The following RFX3 variants were observed in gnomAD, a reference collection of about 807,000 sequenced individuals.
RFX3 encodes the protein regulatory factor X3.
RFX3 carries 14 observed loss-of-function variants against 98.6 expected under a neutral mutation model. The observed-to-expected ratio is 0.14, with a 90% CI of 0.09 to 0.22. RFX3 has a LOEUF of 0.22. Ranked by LOEUF, RFX3 falls within the 10% of genes least tolerant of loss-of-function variation. The pLI is 1.00. For synonymous variants in RFX3, 383 were observed against 328.4 expected (o/e 1.17, Z -1.80); for missense variants, 639 against 926.9 (o/e 0.69, Z 4.03).
chr9:3,388,930 GA>G (rs1839998979), intron 2 of RFX3, among the ~76,000 whole-genome samples: 1 of 152,050 alleles, frequency 6.6e-6, no homozygotes, highest in African/African-American at 2.4e-5. Context: ...TCTTCTCCAA[GA>G]AAGAGGTAAG....
chr9:3,294,365 C>A (rs1353035935), intron 5 of RFX3, among the ~76,000 whole-genome samples: 1 of 151,982 alleles, frequency 6.6e-6, no homozygotes, highest in Admixed American at 6.6e-5. Context: ...ATTTAACTTG[C>A]AATTCAAGTT....
chr9:3,275,966 T>C (rs1455892996), intron 8 of RFX3, among the ~76,000 whole-genome samples: 1 of 152,166 alleles, frequency 6.6e-6, no homozygotes, highest in African/African-American at 2.4e-5. Flanking sequence ...TTATGTTGTT[T>C]AATTACATAA....
intron 13 of RFX3, among the ~76,000 whole-genome samples, chr9:3,259,673 T>TA (rs1171261248): frequency 6.6e-6 from 1 of 151,526 alleles, no homozygotes; most frequent in Non-Finnish European, 1.5e-5. Context: ...CACAAAAAAT[T>TA]AGAGAATTAT....
chr9:3,409,308 G>C (rs1218331182), intron 1 of RFX3, among the ~76,000 whole-genome samples: 1 of 152,124 alleles, frequency 6.6e-6, no homozygotes, highest in Non-Finnish European at 1.5e-5. Flanking sequence ...TCACACACTT[G>C]TTAACCAATT....
At chr9:3,236,368 T>C (rs1410114574) in intron 15 of RFX3, among the ~76,000 whole-genome samples, 3 of 152,206 alleles carry the variant, frequency 2.0e-5, no homozygotes, top group East Asian at 1.9e-4. Flanking sequence ...GAAACCAAAA[T>C]TGAGGAAACC....
At chr9:3,494,719 A>G (rs1007330965) in intron 1 of RFX3, among the ~76,000 whole-genome samples, 8 of 152,178 alleles carry the variant, frequency 5.3e-5, no homozygotes, top group South Asian at 2.1e-4. Context: ...ATAAAATTTG[A>G]TAACTATGGA....
chr9:3,517,812 A>G (rs911509343), intron 1 of RFX3, among the ~76,000 whole-genome samples: 5 of 152,210 alleles, frequency 3.3e-5, no homozygotes, highest in Admixed American at 6.5e-5. Context: ...GTCCAAGAGG[A>G]CAGTCAGATG....
intron 1 of RFX3, among the ~76,000 whole-genome samples, chr9:3,426,002 T>A (rs1197255617): frequency 6.6e-6 from 1 of 152,154 alleles, no homozygotes; most frequent in Admixed American, 6.5e-5. Context: ...TAGAATTTAT[T>A]AAAACAAACC....
At chr9:3,374,092 GCACACACA>G (rs35924655) in intron 2 of RFX3, among the ~76,000 whole-genome samples, 1 of 147,866 alleles carries the variant, frequency 6.8e-6, no homozygotes, top group Non-Finnish European at 1.5e-5. Flanking sequence ...ACACACGCGC[GCACACACA>G]CACACACACA....
chr9:3,248,014 T>G lies in RFX3; in HGVS notation c.1968+18A>C. 6.2e-7 allele frequency: 1 copy of G among 1,614,072 alleles called. No individual in the cohort carries two copies. Among genetic ancestry groups the G allele is most frequent in the East Asian group, 2.2e-5 (1 of 44,874 alleles). Reference sequence around the variant, plus strand: ...TTTTAATAACCCAGTGGGTCACAGCTCTTTCAGCCTCTCTTACCTCGCCCA... The same window carrying G: ...TTTTAATAACCCAGTGGGTCACAGCGCTTTCAGCCTCTCTTACCTCGCCCA... On this transcript the variant is annotated intron_variant, in intron 15 of 16. Transcript: ENST00000617270.
intron 2 of RFX3, among the ~76,000 whole-genome samples, chr9:3,390,423 C>CT (rs1471806770): frequency 1.1e-4 from 16 of 152,152 alleles, no homozygotes; most frequent in Admixed American, 1.0e-3. Context: ...TGTTGAATGG[C>CT]TTTGACCAAA....
chr9:3,340,033 T>C (rs988369871), intron 3 of RFX3, among the ~76,000 whole-genome samples: 1 of 152,132 alleles, frequency 6.6e-6, no homozygotes, highest in Non-Finnish European at 1.5e-5. Context: ...CAAAACAGCA[T>C]GGTACTGGCA....
chr9:3,473,320 A>G lies in RFX3; in HGVS notation c.-9+52427T>C, dbSNP rs1159736925. On this transcript the variant is annotated intron_variant, in intron 1 of 16. Transcript: ENST00000617270. Reference sequence around the variant, plus strand: ...TCATAATAACAGGCACATATTTTTCATATGAACTACTGGGTTCTCTTATTT... The same window carrying G: ...TCATAATAACAGGCACATATTTTTCGTATGAACTACTGGGTTCTCTTATTT... Among the ~76,000 whole-genome samples the G allele has an allele frequency of 1.3e-5, 2 of 152,300 alleles. 1 individual carries two copies. The highest frequency in any genetic ancestry group is 4.8e-5 in the African/African-American group (2 of 41,564).
At chr9:3,423,803 A>C (rs1843682175) in intron 1 of RFX3, among the ~76,000 whole-genome samples, 2 of 139,772 alleles carry the variant, frequency 1.4e-5, no homozygotes, top group Admixed American at 7.1e-5. Flanking sequence ...ATATATATAT[A>C]TATATATATC....
At chr9:3,256,921 T>C in intron 14 of RFX3, 70 bp downstream of exon 14, 2 of 1,390,848 alleles carry the variant, frequency 1.4e-6, no homozygotes, top group South Asian at 1.2e-5. Flanking sequence ...CACAGAAGCA[T>C]ATACAAACAC....
intron 1 of RFX3, chr9:3,489,417 G>A: frequency 1.0e-6 from 1 of 985,246 alleles, no homozygotes; most frequent in Non-Finnish European, 1.2e-6. Context: ...TGTTTGTAGT[G>A]GAAGCAGAAG....
intron 1 of RFX3, among the ~76,000 whole-genome samples, chr9:3,519,400 A>C (rs774168644): frequency 2.0e-5 from 3 of 152,158 alleles, no homozygotes; most frequent in Admixed American, 6.5e-5. Context: ...AAGTCTTTCA[A>C]AACTTTTTGG....
chr9:3,482,346 C>G (rs16918943), intron 1 of RFX3, among the ~76,000 whole-genome samples: 3,932 of 151,972 alleles, frequency 0.026, 182 homozygotes, highest in African/African-American at 0.09. Flanking sequence ...CACATATGCA[C>G]TCACGGAGAA....
chr9:3,505,340 A>AAT lies in RFX3; in HGVS notation c.-9+20405_-9+20406dup, dbSNP rs1326883291. On this transcript the variant is annotated intron_variant, in intron 1 of 16. Transcript: ENST00000617270. ...TTAATGTATATTTATATTTTATATA[A>AAT]ATAAAATATTTTATATTTATATAAA... Among the ~76,000 whole-genome samples, 284 of 107,146 alleles carry AAT rather than the reference A, an allele frequency of 2.7e-3. 12 individuals are homozygous for AAT. Among genetic ancestry groups the AAT allele is most frequent in the Middle Eastern group, 0.014 (1 of 74 alleles). 70.3% of individuals were successfully genotyped at this position (107,146 alleles called of 152,430 possible). A position where few individuals can be genotyped will look rare whatever the true frequency, so the allele number is the denominator to read the frequency against.
Sources: allele counts gnomAD v4.1 joint callset (sites outside exome capture counted in the v4.1 genomes callset), GRCh38; gene constraint gnomAD v4.1.1; transcripts MANE v1.5; gene names NCBI Gene and HGNC (gene_info 2026-07-23, HGNC 2026-07-21).